Variants in RP1 observed in about 807,000 individuals in gnomAD.
RP1 encodes RP1 axonemal microtubule associated.
RP1 carries 16 observed loss-of-function variants against 14.8 expected under a neutral mutation model. The ratio of observed to expected loss-of-function variants is 1.08; its 90% CI spans 0.73 to 1.65. The LOEUF (loss-of-function observed/expected upper bound fraction) is 1.65, where lower values mean the gene tolerates loss of function less well. Ranked by LOEUF, RP1 falls within the 40% of genes most tolerant of loss-of-function variation. The pLI, the probability that RP1 is intolerant of heterozygous loss-of-function variation, is 0.00. For missense variants in RP1, 2,631 were observed against 2,535.0 expected (o/e 1.04, Z -0.81); for synonymous variants, 876 against 883.6 (o/e 0.99, Z 0.15).
chr8:54,869,804 C>T (rs528238066), intron 28 of RP1: 8 of 846,416 alleles, frequency 9.5e-6, no homozygotes, highest in South Asian at 1.2e-4. Context: ...CCTTTCAATG[C>T]TCTCTCATAT....
chr8:54,591,472 T>C (rs1805041900), intron 1 of RP1, among the ~76,000 whole-genome samples: 1 of 152,136 alleles, frequency 6.6e-6, no homozygotes. Context: ...AGTTTTACCT[T>C]AAATGTCCCC....
At chr8:54,571,226 T>C (rs7821133) in intron 1 of RP1, among the ~76,000 whole-genome samples, 36,300 of 152,100 alleles carry the variant, frequency 0.24, 4,571 homozygotes, top group East Asian at 0.36. Flanking sequence ...GTAAACCTCA[T>C]TGGCTTATGA....
At chr8:54,690,952 A>G (rs1807696307) in intron 12 of RP1, among the ~76,000 whole-genome samples, 1 of 152,082 alleles carries the variant, frequency 6.6e-6, no homozygotes, top group African/African-American at 2.4e-5. Flanking sequence ...AAAGCTGTCA[A>G]CTGCATTTGG....
chr8:54,694,342 T>G (rs954275179), intron 12 of RP1, among the ~76,000 whole-genome samples: 1 of 152,166 alleles, frequency 6.6e-6, no homozygotes, highest in African/African-American at 2.4e-5. Flanking sequence ...ATAAAATGAG[T>G]TAGGGAAGAT....
chr8:54,738,263 C>T (rs1354963056), intron 18 of RP1, among the ~76,000 whole-genome samples: 1 of 152,164 alleles, frequency 6.6e-6, no homozygotes, highest in African/African-American at 2.4e-5. Flanking sequence ...ATACTTTACT[C>T]AGTTTACAAA....
upstream of RP1, among the ~76,000 whole-genome samples, chr8:54,611,652 T>C (rs754995549): frequency 1.3e-5 from 2 of 152,182 alleles, no homozygotes; most frequent in Non-Finnish European, 2.9e-5. Flanking sequence ...TTTAAGATAG[T>C]TGTTTTATAG....
intron 27 of RP1, among the ~76,000 whole-genome samples, chr8:54,857,938 TATATC>T (rs1249385508): frequency 6.6e-6 from 1 of 152,196 alleles, no homozygotes; most frequent in Non-Finnish European, 1.5e-5. Flanking sequence ...TATTATAACT[TATATC>T]ATAGTACTGA....
At chr8:54,831,230 A>C (rs1440692670) in intron 24 of RP1, among the ~76,000 whole-genome samples, 1 of 151,964 alleles carries the variant, frequency 6.6e-6, no homozygotes, top group African/African-American at 2.4e-5. Flanking sequence ...CAGCAGTGGA[A>C]TGTTGGGTCA....
At chr8:54,739,348 T>C (rs1809012243) in intron 19 of RP1, among the ~76,000 whole-genome samples, 1 of 152,156 alleles carries the variant, frequency 6.6e-6, no homozygotes, top group South Asian at 2.1e-4. Flanking sequence ...TGACTTATGA[T>C]GGGTTACTTC....
intron 17 of RP1, among the ~76,000 whole-genome samples, chr8:54,733,907 G>C (rs547979818): frequency 8.5e-5 from 13 of 152,218 alleles, no homozygotes; most frequent in Non-Finnish European, 1.8e-4. Flanking sequence ...GAGTGACTGT[G>C]TTTGGGCACT....
intron 7 of RP1, among the ~76,000 whole-genome samples, chr8:54,668,371 A>G (rs1399188167): frequency 6.6e-6 from 1 of 152,194 alleles, no homozygotes; most frequent in Admixed American, 6.5e-5. Context: ...CAATGAAATA[A>G]AAGATGACAC....
chr8:54,826,309 G>GTAGA (rs1811385463), intron 24 of RP1, among the ~76,000 whole-genome samples: 1 of 152,204 alleles, frequency 6.6e-6, no homozygotes, highest in African/African-American at 2.4e-5. Context: ...GGAGAATAAT[G>GTAGA]TAGATGGCTG....
intron 25 of RP1, among the ~76,000 whole-genome samples, chr8:54,841,150 C>T (rs970410544): frequency 2.0e-5 from 3 of 152,150 alleles, no homozygotes; most frequent in Non-Finnish European, 2.9e-5. Flanking sequence ...CCCATGACAT[C>T]AAGGAAAGCC....
chr8:54,563,290 C>T (rs961702161), intron 1 of RP1, among the ~76,000 whole-genome samples: 3 of 152,148 alleles, frequency 2.0e-5, no homozygotes, highest in Non-Finnish European at 2.9e-5. Context: ...GGAAATTCCT[C>T]AGGGACACGC....
chr8:54,786,577 T>C (rs1190783560), intron 24 of RP1, among the ~76,000 whole-genome samples: 1 of 152,086 alleles, frequency 6.6e-6, no homozygotes, highest in Non-Finnish European at 1.5e-5. Flanking sequence ...TTTCTACCAA[T>C]GTTCGTCGTT....
chr8:54,701,460 G>A (rs1049226091), intron 13 of RP1: 3 of 1,487,768 alleles, frequency 2.0e-6, no homozygotes, highest in South Asian at 1.3e-5. Context: ...TACTAATTTA[G>A]AGGGTTTTTT....
intron 25 of RP1, among the ~76,000 whole-genome samples, chr8:54,845,977 A>G (rs1811909317): frequency 6.6e-6 from 1 of 152,236 alleles, no homozygotes; most frequent in Non-Finnish European, 1.5e-5. Context: ...TCCATTCAAC[A>G]GATAAACTTC....
intron 23 of RP1, among the ~76,000 whole-genome samples, chr8:54,775,342 A>G (rs1810006531): frequency 1.3e-5 from 2 of 152,238 alleles, no homozygotes. Flanking sequence ...TGTGTAAAGC[A>G]GAAATGATAC....
rs188635861 is a variant in RP1 at position 54,664,018 on chromosome 8, A to G, written c.1323+168A>G. Among the ~76,000 whole-genome samples the G allele has an allele frequency of 5.4e-3, 828 of 152,292 alleles. 2 individuals carry two copies. Among genetic ancestry groups the G allele is most frequent in the African/African-American group, 0.019 (777 of 41,562 alleles). On this transcript the variant is annotated intron_variant, in intron 7 of 22. Transcript: ENST00000636932. Reference sequence around the variant, plus strand: ...CATCAGAACTTTTTCATCTTCCAAAATAGGTAATCTAATAATTAACAACTC... The same window carrying G: ...CATCAGAACTTTTTCATCTTCCAAAGTAGGTAATCTAATAATTAACAACTC...
Sources: allele counts gnomAD v4.1 joint callset (sites outside exome capture counted in the v4.1 genomes callset), GRCh38; gene constraint gnomAD v4.1.1; transcripts MANE v1.5; gene names NCBI Gene and HGNC (gene_info 2026-07-23, HGNC 2026-07-21).